The following TOLLIP variants were observed in gnomAD, a reference collection of about 807,000 sequenced individuals.
The protein encoded by TOLLIP is toll-interacting protein.
A neutral mutation model predicts 33.5 loss-of-function variants in TOLLIP; 16 were observed. The observed-to-expected ratio is 0.48, with a 90% confidence interval of 0.32 to 0.72. TOLLIP has a LOEUF of 0.72. Among genes scored for constraint, TOLLIP ranks in the 30% least tolerant of loss-of-function variants. The pLI, the probability that TOLLIP is intolerant of heterozygous loss-of-function variation, is 0.03. For synonymous variants in TOLLIP, 176 were observed against 163.7 expected, an observed-to-expected ratio of 1.07 and a Z score of -0.57; for missense variants, 325 against 396.6, an observed-to-expected ratio of 0.82 and a Z score of 1.53.
intron 5 of TOLLIP, among the ~76,000 whole-genome samples, chr11:1,280,332 T>C (rs545064557): frequency 1.3e-3 from 195 of 152,228 alleles, no homozygotes; most frequent in African/African-American, 4.6e-3. Context: ...GCGTGCACGT[T>C]CTCTATGGGC....
chr11:1,280,190 G>A (rs187220728), intron 5 of TOLLIP, among the ~76,000 whole-genome samples: 1 of 152,370 alleles, frequency 6.6e-6, no homozygotes, highest in Admixed American at 6.5e-5. Flanking sequence ...CTGCTCAGCT[G>A]CAAACTCCCT....
At chr11:1,297,219 C>A (rs1477383809) in intron 1 of TOLLIP, among the ~76,000 whole-genome samples, 1 of 152,188 alleles carries the variant, frequency 6.6e-6, no homozygotes, top group Non-Finnish European at 1.5e-5. Flanking sequence ...AAACCCGTAC[C>A]TGCCTGTGCC....
At chr11:1,306,871 G>A (rs1343534071) in intron 1 of TOLLIP, among the ~76,000 whole-genome samples, 5 of 151,644 alleles carry the variant, frequency 3.3e-5, no homozygotes, top group East Asian at 1.9e-4. Context: ...CTCTCTTTCC[G>A]TGCCCTGCCC....
rs147375873 is a variant in TOLLIP, at chr11:1,308,519, G to A, written c.33+947C>T. ...TATTCCTTTACAGCAATGCAAGAAGGCCCTAACAGTGAGCCAGGAGGCCAC... is the reference window on the plus strand; with the variant it reads ...TATTCCTTTACAGCAATGCAAGAAGACCCTAACAGTGAGCCAGGAGGCCAC... On this transcript the variant is annotated intron_variant, in intron 1 of 5. Transcript: ENST00000317204. 7.9e-5 allele frequency among the ~76,000 whole-genome samples: 12 copies of A among 152,270 alleles called. 1 individual carries two copies. In the East Asian group the frequency reaches 2.3e-3, roughly 29 times the overall value.
At chr11:1,307,159 T>G (rs1590233554) in intron 1 of TOLLIP, among the ~76,000 whole-genome samples, 1 of 152,308 alleles carries the variant, frequency 6.6e-6, no homozygotes, top group Admixed American at 6.5e-5. Context: ...TTAAGTCACA[T>G]GTACTCCAAG....
Position 1,303,292 on chromosome 11 carries a change from A to G in TOLLIP, c.33+6174T>C, listed in dbSNP as rs5743895. The stretch of plus-strand genomic sequence containing the variant: ...CGGAAAACCCCTTCTCATTCAGATG[A>G]AACAAAAGCCAGTCAAGCAGCAGGC... On this transcript the variant is annotated intron_variant, in intron 1 of 5. Transcript: ENST00000317204. The surrounding 1 kb of genome is among the most constrained non-coding windows in gnomAD (Gnocchi z 4.2). Among the ~76,000 whole-genome samples, 79 of 152,166 alleles carry G rather than the reference A, an allele frequency of 5.2e-4. No individual in the cohort carries two copies. The highest frequency in any genetic ancestry group is 1.9e-3 in the African/African-American group (78 of 41,532).
In TOLLIP at chr11:1,277,702, C is replaced by T. The variant is rs192497372; in HGVS notation, c.611-449G>A. 2.5e-4 allele frequency among the ~76,000 whole-genome samples: 38 copies of T among 152,330 alleles called. No homozygotes were observed. The highest frequency in any genetic ancestry group is 8.4e-4 in the African/African-American group (35 of 41,574). ...AATGTCACGCCCGCTGATCCAAACA[C>T]TGCACGGTCTGAGCCTCTTCCTTTA... On this transcript the variant is annotated intron_variant, in intron 5 of 5. Coordinates refer to ENST00000317204, the MANE Select transcript of TOLLIP (RefSeq NM_019009.4). This position sits in a 1 kb window ranked among gnomAD's most constrained non-coding sequence, Gnocchi z 4.2.
chr11:1,295,540 T>C, intron 2 of TOLLIP, 105 bp downstream of exon 2: 1 of 1,347,018 alleles, frequency 7.4e-7, no homozygotes, highest in East Asian at 2.4e-5. Context: ...AATCAGAAGT[T>C]CTGTTTGCCC....
chr11:1,285,442 A>C (rs1261074463), intron 5 of TOLLIP, among the ~76,000 whole-genome samples: 6 of 152,220 alleles, frequency 3.9e-5, no homozygotes, highest in Non-Finnish European at 5.9e-5. Context: ...CTGGACCGAA[A>C]ATGCAACAGC....
chr11:1,292,633 C>T (rs1863985514), intron 2 of TOLLIP, among the ~76,000 whole-genome samples: 1 of 152,264 alleles, frequency 6.6e-6, no homozygotes, highest in Admixed American at 6.5e-5. Flanking sequence ...CACACAACCA[C>T]ATGCTGTTCT....
At chr11:1,309,363 C>T in intron 1 of TOLLIP, 103 bp downstream of exon 1, 1 of 641,846 alleles carries the variant, frequency 1.6e-6, no homozygotes, top group Non-Finnish European at 2.2e-6. Flanking sequence ...GGGAGAGCCG[C>T]GGAGTCGGCC....
At chr11:1,286,922 G>C (rs903047736) in intron 4 of TOLLIP, among the ~76,000 whole-genome samples, 3 of 152,110 alleles carry the variant, frequency 2.0e-5, no homozygotes, top group South Asian at 2.1e-4. Context: ...CTGCGGATAA[G>C]TCACTGCACT....
At position 1,290,456 on chromosome 11, in the gene TOLLIP, G is replaced by A. The variant is rs370160205; in HGVS notation, c.184-47C>T. On this transcript the variant is annotated intron_variant, in intron 2 of 5. Coordinates refer to ENST00000317204, the MANE Select transcript of TOLLIP (RefSeq NM_019009.4). The surrounding 1 kb of genome is among the most constrained non-coding windows in gnomAD (Gnocchi z 4.9). Reference sequence around the variant, plus strand: ...GAAAAGGAGGTGCCAACCATCAGGAGAGGGTGGGTTCTCTAGGCCGTCTGC... The same window carrying A: ...GAAAAGGAGGTGCCAACCATCAGGAAAGGGTGGGTTCTCTAGGCCGTCTGC... 1.9e-6 allele frequency: 3 copies of A among 1,588,910 alleles called. No homozygotes were observed. The highest frequency in any genetic ancestry group is 2.7e-5 in the African/African-American group (2 of 74,558).
rs1021974749 is a variant in TOLLIP at position 1,276,374 on chromosome 11, C to T, written c.*665G>A. On this transcript the variant is annotated 3_prime_UTR_variant, in exon 6 of 6. Coordinates refer to ENST00000317204, the MANE Select transcript of TOLLIP (RefSeq NM_019009.4). ...TGGCAATCAGGCAGAGCCTGGCCAA[C>T]CGTGCCAGGCCCCCTTCCTCACTCC... is the stretch of plus-strand genomic sequence containing the variant. 54 of 214,476 alleles carry T rather than the reference C, an allele frequency of 2.5e-4. No homozygotes were observed. Among genetic ancestry groups the T allele is most frequent in the African/African-American group, 1.2e-3 (52 of 42,984 alleles). 13.3% of individuals were successfully genotyped at this position (214,476 alleles called of 1,614,324 possible). A position where few individuals can be genotyped will look rare whatever the true frequency, so the allele number is the denominator to read the frequency against.
At chr11:1,295,370 C>T (rs911072861) in intron 2 of TOLLIP, 72 of 330,060 alleles carry the variant, frequency 2.2e-4, no homozygotes, top group African/African-American at 1.4e-3. Context: ...TGTCCTTGGG[C>T]GTACTCAAGC....
rs1863885715 is a variant in TOLLIP at position 1,290,120 on chromosome 11, C to G, written c.366+107G>C. 1.4e-5 allele frequency: 17 copies of G among 1,176,278 alleles called. No individual in the cohort carries two copies. Among genetic ancestry groups the G allele is most frequent in the Non-Finnish European group, 2.1e-5 (17 of 826,308 alleles). 72.9% of individuals were successfully genotyped at this position (1,176,278 alleles called of 1,614,324 possible). A position where few individuals can be genotyped will look rare whatever the true frequency, so the allele number is the denominator to read the frequency against. On this transcript the variant is annotated intron_variant, in intron 3 of 5. Transcript: ENST00000317204. This position sits in a 1 kb window ranked among gnomAD's most constrained non-coding sequence, Gnocchi z 4.9. ...CCCAATGAAACACCAGGTGGGGAGCCACGCCTCGAAGCCAGCCAGGAACGT... is the reference window on the plus strand; with the variant it reads ...CCCAATGAAACACCAGGTGGGGAGCGACGCCTCGAAGCCAGCCAGGAACGT...
chr11:1,298,421 G>A (rs1052180749), intron 1 of TOLLIP: 3 of 152,244 alleles, frequency 2.0e-5, no homozygotes, highest in Non-Finnish European at 2.9e-5. Flanking sequence ...GTGTGGGCGT[G>A]GGGTCCAGAG....
rs776450739 is a variant in TOLLIP, at chr11:1,276,773, G to A, written c.*266C>T. ...AGCATTTTCCAGAACGGCATGAGAA[G>A]GAGAGACGCACGTCCCAGGGACAGG... On this transcript the variant is annotated 3_prime_UTR_variant, in exon 6 of 6. Coordinates refer to ENST00000317204, the MANE Select transcript of TOLLIP (RefSeq NM_019009.4). 1.5e-5 allele frequency: 23 copies of A among 1,507,680 alleles called. 1 individual carries two copies. In the South Asian group the frequency reaches 2.5e-4, roughly 17 times the overall value. 93.4% of individuals were successfully genotyped at this position (1,507,680 alleles called of 1,614,324 possible). A position where few individuals can be genotyped will look rare whatever the true frequency, so the allele number is the denominator to read the frequency against.
At chr11:1,302,871 GC>G in intron 1 of TOLLIP, 2 of 853,204 alleles carry the variant, frequency 2.3e-6, no homozygotes, top group Non-Finnish European at 1.4e-6. Context: ...AGGAGCCCTC[GC>G]TGAGCACTCA....
Sources: gnomAD v4.1 joint callset for allele counts (sites outside exome capture counted in the v4.1 genomes callset) on GRCh38, gnomAD v4.1.1 for gene constraint, Gnocchi (gnomAD v3.1) non-coding constraint, MANE v1.5 for transcripts, NCBI Gene and HGNC (gene_info 2026-07-23, HGNC 2026-07-21) for gene names.